Variants in BAX observed in about 807,000 individuals in gnomAD.
BAX encodes the protein apoptosis regulator BAX.
BAX carries 21 observed loss-of-function variants against 26.8 expected under a neutral mutation model. The ratio of observed to expected loss-of-function variants is 0.78; its 90% confidence interval spans 0.56 to 1.13. The LOEUF (loss-of-function observed/expected upper bound fraction) is 1.13. Ranked by LOEUF, BAX falls within the 50% of genes most tolerant of loss-of-function variation. The pLI is 0.00. For missense variants in BAX, 236 were observed against 254.6 expected (o/e 0.93, Z 0.50); for synonymous variants, 110 against 101.8 (o/e 1.08, Z -0.49).
At chr19:48,959,456 CAGG>C (rs1053270740) in intron 4 of BAX, among the ~76,000 whole-genome samples, 74 of 140,404 alleles carry the variant, frequency 5.3e-4, no homozygotes, top group African/African-American at 1.9e-3. Context: ...TAGGCGGAAA[CAGG>C]AGTACATGAA....
chr19:48,955,112 T>C (rs918268456), intron 1 of BAX, 150 bp downstream of exon 1: 2 of 935,672 alleles, frequency 2.1e-6, no homozygotes, highest in Non-Finnish European at 2.8e-6. Context: ...GTCCCCTCCG[T>C]CCTCGGAGGT....
At chr19:48,956,393 G>A (rs1470897295) in intron 4 of BAX, 60 bp downstream of exon 4, 32 of 1,448,716 alleles carry the variant, frequency 2.2e-5, no homozygotes, top group Non-Finnish European at 2.9e-5. Flanking sequence ...TGAGGACCTG[G>A]GGATCGTGGT....
In BAX at chr19:48,961,708, G is replaced by T; in HGVS notation, c.*72G>T. 1 of 1,301,812 alleles carries T rather than the reference G, an allele frequency of 7.7e-7. No individual in the cohort carries two copies. The allele number at this position is 1,301,812 out of a possible 1,614,324, so 80.6% of individuals were successfully genotyped here. ...ATTTTTCTGGGAGGGGTGGGGATTG[G>T]GGGACGTGGGCATTTTTCTTACTTT... On this transcript the variant is annotated 3_prime_UTR_variant, in exon 6 of 6. Transcript: ENST00000345358.
intron 4 of BAX, among the ~76,000 whole-genome samples, chr19:48,957,764 C>A (rs2038196577): frequency 6.6e-6 from 1 of 152,182 alleles, no homozygotes; most frequent in Non-Finnish European, 1.5e-5. Flanking sequence ...AAAATGCATT[C>A]AATGCCCCGA....
chr19:48,961,076 T>C (rs1206633477), intron 5 of BAX, 162 bp downstream of exon 5: 5 of 1,600,672 alleles, frequency 3.1e-6, no homozygotes, highest in Middle Eastern at 1.7e-4. Context: ...TGGTCTATAA[T>C]GCGTTTTCCT....
chr19:48,958,345 A>ATTTT lies in BAX; in HGVS notation c.369+2036_369+2039dup, dbSNP rs34043541. Reference sequence around the variant, plus strand: ...AGGGAGGGATATTTCTTTTTGGAAGATTTTTTTTTTTTTTTTTTTTTTTTT... The same window carrying ATTTT: ...AGGGAGGGATATTTCTTTTTGGAAGATTTTTTTTTTTTTTTTTTTTTTTTTTTTT... On this transcript the variant is annotated intron_variant, in intron 4 of 5. Coordinates refer to ENST00000345358, the MANE Select transcript of BAX (RefSeq NM_138761.4). 8.8e-4 allele frequency among the ~76,000 whole-genome samples: 57 copies of ATTTT among 64,478 alleles called. 5 individuals carry two copies. The highest frequency in any genetic ancestry group is 2.7e-3 in the African/African-American group (46 of 17,038). The allele number at this position is 64,478 out of a possible 152,430, so 42.3% of individuals were successfully genotyped here.
chr19:48,960,812 C>T lies in BAX; in HGVS notation c.372C>T (p.Ala124=). ...FYFASKLVLK[A]LCTKVPELIR... ...AACGCCCACTCCACTCCCCACAGGC[C>T]CTGTGCACCAAGGTGCCGGAACTGA... Residue 124 remains alanine, a splice_region_variant and synonymous_variant, in exon 5 of 6, where the codon GCC becomes GCT. Transcript: ENST00000345358. 6.2e-7 allele frequency: 1 copy of T among 1,609,632 alleles called. No homozygotes were observed. Among genetic ancestry groups the T allele is most frequent in the Non-Finnish European group, 8.5e-7 (1 of 1,176,552 alleles).
intron 4 of BAX, among the ~76,000 whole-genome samples, chr19:48,957,863 T>G (rs2122361954): frequency 6.6e-6 from 1 of 152,290 alleles, no homozygotes; most frequent in Middle Eastern, 3.4e-3. Context: ...AGAATCTAAT[T>G]ATAGGTGGCG....
At chr19:48,957,326 G>A (rs750822186) in intron 4 of BAX, among the ~76,000 whole-genome samples, 12 of 127,400 alleles carry the variant, frequency 9.4e-5, no homozygotes, top group Non-Finnish European at 1.6e-4. Context: ...CCAGGCTGGA[G>A]TGCAATGGCG....
In BAX at chr19:48,960,962, C is replaced by T. The variant is rs150330824; in HGVS notation, c.474+48C>T. 9.2e-5 allele frequency: 149 copies of T among 1,612,678 alleles called. No homozygotes were observed. Among genetic ancestry groups the T allele is most frequent in the Non-Finnish European group, 1.1e-4 (135 of 1,179,856 alleles). On this transcript the variant is annotated intron_variant, in intron 5 of 5. Coordinates refer to ENST00000345358, the MANE Select transcript of BAX (RefSeq NM_138761.4). The stretch of plus-strand genomic sequence containing the variant: ...ACCCCCACCACCGCGCCCTCACCAC[C>T]GCCCCTGCCCCACCGTCCCTGCCCC...
chr19:48,958,201 G>C (rs559345680), intron 4 of BAX, among the ~76,000 whole-genome samples: 1 of 151,424 alleles, frequency 6.6e-6, no homozygotes, highest in Non-Finnish European at 1.5e-5. Context: ...CAGTTCTCTC[G>C]CCTCAGTCTC....
At chr19:48,956,681 G>A (rs2038146512) in intron 4 of BAX, among the ~76,000 whole-genome samples, 1 of 146,396 alleles carries the variant, frequency 6.8e-6, no homozygotes, top group Non-Finnish European at 1.5e-5. Flanking sequence ...TTGAGATGGA[G>A]TTTTGCTCTT....
Position 48,961,325 on chromosome 19 carries a change from G to A in BAX, c.475-207G>A, listed in dbSNP as rs1013897037. 20 of 1,342,998 alleles carry A rather than the reference G, an allele frequency of 1.5e-5. No individual in the cohort carries two copies. The African/African-American group carries it at 1.6e-4, about 11-fold the overall frequency. The allele number at this position is 1,342,998 out of a possible 1,614,324, so 83.2% of individuals were successfully genotyped here. A position where few individuals can be genotyped will look rare whatever the true frequency, so the allele number is the denominator to read the frequency against. On this transcript the variant is annotated intron_variant, in intron 5 of 5. Transcript: ENST00000345358. Reference sequence around the variant, plus strand: ...TGGTCTCGAACTCCTGGCCTCAAGCGATCCTCCCGCCTCAGCCTCTCAAAG... The same window carrying A: ...TGGTCTCGAACTCCTGGCCTCAAGCAATCCTCCCGCCTCAGCCTCTCAAAG...
At position 48,955,841 on chromosome 19, in the gene BAX, C is replaced by G; in HGVS notation, c.233+8C>G. On this transcript the variant is annotated splice_region_variant and intron_variant, in intron 3 of 5. Coordinates refer to ENST00000345358, the MANE Select transcript of BAX (RefSeq NM_138761.4). ...TAACATGGAGCTGCAGAGGTGTGGG[C>G]CCCTGAGGACCCAGAAGTCCAGCCA... is the stretch of plus-strand genomic sequence containing the variant. 6.4e-7 allele frequency: 1 copy of G among 1,573,838 alleles called. No homozygotes were observed. The highest frequency in any genetic ancestry group is 8.6e-7 in the Non-Finnish European group (1 of 1,157,850).
intron 4 of BAX, among the ~76,000 whole-genome samples, chr19:48,956,819 C>CTTTTTTTTTTTTTTTTT (rs56251427): frequency 2.3e-5 from 2 of 87,388 alleles, no homozygotes; most frequent in Non-Finnish European, 4.2e-5. Context: ...TTATCCCTGG[C>CTTTTTTTTTTTTTTTTT]TTTTTTTTTT....
At position 48,961,682 on chromosome 19, in the gene BAX, C is replaced by T; in HGVS notation, c.*46C>T. 1 of 1,332,898 alleles carries T rather than the reference C, an allele frequency of 7.5e-7. No individual in the cohort carries two copies. The highest frequency in any genetic ancestry group is 2.6e-5 in the East Asian group (1 of 39,004). 82.6% of individuals were successfully genotyped at this position (1,332,898 alleles called of 1,614,324 possible). ...TGTGTTTTTCCTCCATAAATTATGG[C>T]ATTTTTCTGGGAGGGGTGGGGATTG... On this transcript the variant is annotated 3_prime_UTR_variant, in exon 6 of 6. Transcript: ENST00000345358.
chr19:48,961,333 C>T lies in BAX; in HGVS notation c.475-199C>T, dbSNP rs565411405. On this transcript the variant is annotated intron_variant, in intron 5 of 5. Transcript: ENST00000345358. ...AACTCCTGGCCTCAAGCGATCCTCC[C>T]GCCTCAGCCTCTCAAAGTGCTGGGA... 209 of 1,325,966 alleles carry T rather than the reference C, an allele frequency of 1.6e-4. 1 individual carries two copies. The African/African-American group carries it at 2.4e-3, about 15-fold the overall frequency. 82.1% of individuals were successfully genotyped at this position (1,325,966 alleles called of 1,614,324 possible).
At chr19:48,957,768 G>A (rs2038196779) in intron 4 of BAX, among the ~76,000 whole-genome samples, 1 of 152,180 alleles carries the variant, frequency 6.6e-6, no homozygotes, top group Non-Finnish European at 1.5e-5. Flanking sequence ...TGCATTCAAT[G>A]CCCCGATAAA....
In BAX at chr19:48,961,744, G is replaced by A; in HGVS notation, c.*108G>A. The A allele has an allele frequency of 1.1e-6, 1 of 946,398 alleles. No homozygotes were observed. The highest frequency in any genetic ancestry group is 1.6e-6 in the Non-Finnish European group (1 of 642,970). The allele number at this position is 946,398 out of a possible 1,614,324, so 58.6% of individuals were successfully genotyped here. On this transcript the variant is annotated 3_prime_UTR_variant, in exon 6 of 6. Transcript: ENST00000345358. Reference sequence around the variant, plus strand: ...CATTTTTCTTACTTTTGTAATTATTGGGGGGTGTGGGGAAGAGTGGTCTTG... The same window carrying A: ...CATTTTTCTTACTTTTGTAATTATTAGGGGGTGTGGGGAAGAGTGGTCTTG...
Sources: gnomAD v4.1 joint callset for allele counts (sites outside exome capture counted in the v4.1 genomes callset) on GRCh38, gnomAD v4.1.1 for gene constraint, MANE v1.5 for transcripts, NCBI Gene and HGNC (gene_info 2026-07-23, HGNC 2026-07-21) for gene names.